The following PITHD1 variants were observed in gnomAD, a reference collection of about 807,000 sequenced individuals.
PITHD1 encodes PITH domain containing 1.
PITHD1 carries 8 observed loss-of-function variants against 27.5 expected under a neutral mutation model. The ratio of observed to expected loss-of-function variants is 0.29; its 90% CI spans 0.17 to 0.52. PITHD1 has a LOEUF of 0.52. PITHD1 is among the 20% of genes least tolerant of loss of function. PITHD1 has a pLI of 0.96. For missense variants in PITHD1, 233 were observed against 283.9 expected (o/e 0.82, Z 1.29); for synonymous variants, 118 against 106.8 (o/e 1.10, Z -0.64).
chr1:23,779,419 C>T lies in PITHD1; in HGVS notation c.199-19C>T, dbSNP rs376621821. The T allele has an allele frequency of 1.3e-5, 21 of 1,602,034 alleles. No homozygotes were observed. Among genetic ancestry groups the T allele is most frequent in the Non-Finnish European group, 1.6e-5 (19 of 1,169,218 alleles). ...CAAATATTTGTTGCTTTCTCCTCCC[C>T]CCTCCCCATCCCCTCCAGTTTGTTG... On this transcript the variant is annotated intron_variant, in intron 1 of 5. Coordinates refer to ENST00000246151, the MANE Select transcript of PITHD1 (RefSeq NM_020362.5).
rs997545259 is a variant in PITHD1 at position 23,779,780 on chromosome 1, AG to A, written c.243-80del. The A allele has an allele frequency of 8.3e-6, 8 of 968,578 alleles. No homozygotes were observed. The African/African-American group carries it at 1.3e-4, about 15-fold the overall frequency. The allele number at this position is 968,578 out of a possible 1,614,324, so 60.0% of individuals were successfully genotyped here. A position where few individuals can be genotyped will look rare whatever the true frequency, so the allele number is the denominator to read the frequency against. ...CAGATGAGTAAACTGAAGCCCATAC[AG>A]GGGAAGGGTCTTGCCCAGGGTCACA... On this transcript the variant is annotated intron_variant, in intron 2 of 5. Transcript: ENST00000246151.
At chr1:23,782,989 ATTTTATTTTAT>A (rs2148400632) in intron 3 of PITHD1, among the ~76,000 whole-genome samples, 1 of 150,588 alleles carries the variant, frequency 6.6e-6, no homozygotes, top group Admixed American at 6.6e-5. Context: ...AAATATATGT[ATTTTATTTTAT>A]TTTATTTTAT....
intron 3 of PITHD1, among the ~76,000 whole-genome samples, chr1:23,784,416 A>G (rs1177870926): frequency 7.3e-5 from 11 of 151,112 alleles, no homozygotes; most frequent in African/African-American, 2.2e-4. Context: ...AATTTTTTGT[A>G]TTTTTAGTAG....
At chr1:23,781,567 A>G (rs1182537570) in intron 3 of PITHD1, among the ~76,000 whole-genome samples, 3 of 152,294 alleles carry the variant, frequency 2.0e-5, no homozygotes, top group East Asian at 1.9e-4. Context: ...AAGCAAATCC[A>G]TGTATTTAAT....
chr1:23,778,868 G>T (rs1317948569), intron 1 of PITHD1, among the ~76,000 whole-genome samples, 155 bp downstream of exon 1: 1 of 152,204 alleles, frequency 6.6e-6, no homozygotes, highest in African/African-American at 2.4e-5. Context: ...GGCGAGCAGC[G>T]TTGTCTCCCC....
At chr1:23,779,841 C>T in intron 2 of PITHD1, 23 bp from the exon 3 acceptor site, 1 of 1,595,924 alleles carries the variant, frequency 6.3e-7, no homozygotes, top group Non-Finnish European at 8.6e-7. Context: ...GGTTTGACAA[C>T]CTTCTCTTTT....
At chr1:23,783,346 T>G (rs1409297649) in intron 3 of PITHD1, among the ~76,000 whole-genome samples, 2 of 149,524 alleles carry the variant, frequency 1.3e-5, no homozygotes, top group Non-Finnish European at 3.0e-5. Context: ...TGTGTATATA[T>G]ACATATATAC....
intron 5 of PITHD1, 76 bp from the exon 6 acceptor site, chr1:23,787,199 A>T: frequency 2.3e-6 from 2 of 862,634 alleles, no homozygotes; most frequent in Admixed American, 3.7e-5. Flanking sequence ...CTGAATAAGG[A>T]CTACCGCAAT....
chr1:23,783,444 T>TGC (rs1380349651), intron 3 of PITHD1, among the ~76,000 whole-genome samples: 51 of 150,166 alleles, frequency 3.4e-4, no homozygotes, highest in African/African-American at 1.2e-3. Flanking sequence ...TGTGTGTGTG[T>TGC]GTGTGTGTGT....
intron 3 of PITHD1, among the ~76,000 whole-genome samples, chr1:23,783,547 G>A (rs2148401134): frequency 6.6e-6 from 1 of 151,390 alleles, no homozygotes; most frequent in South Asian, 2.1e-4. Flanking sequence ...CGCCTCCTGG[G>A]GTCAAGCGAT....
At chr1:23,783,318 T>C (rs1470041708) in intron 3 of PITHD1, among the ~76,000 whole-genome samples, 2 of 149,460 alleles carry the variant, frequency 1.3e-5, no homozygotes, top group Non-Finnish European at 3.0e-5. Flanking sequence ...TATATACGCA[T>C]ATATATATAC....
At position 23,785,776 on chromosome 1, in the gene PITHD1, C is replaced by T; in HGVS notation, c.422C>T (p.Thr141Ile). 2.6e-6 allele frequency: 4 copies of T among 1,561,638 alleles called. No individual in the cohort carries two copies. The highest frequency in any genetic ancestry group is 3.5e-6 in the Non-Finnish European group (4 of 1,132,384). Residue 141 changes from threonine (T) to isoleucine (I), a missense_variant, in exon 4 of 6, where the codon ACA becomes ATA. Transcript: ENST00000246151. Reference sequence around the variant, plus strand: ...CTTACAGGAGAATTAGAGTATGCTACAAAGTAAGCACTGGGCCTGTCTTCC... The same window carrying T: ...CTTACAGGAGAATTAGAGTATGCTATAAAGTAAGCACTGGGCCTGTCTTCC... ...RDLTGELEYA[T>I]KISRFSNVYH...
At chr1:23,782,726 C>G (rs1424045021) in intron 3 of PITHD1, among the ~76,000 whole-genome samples, 1 of 151,840 alleles carries the variant, frequency 6.6e-6, no homozygotes, top group East Asian at 1.9e-4. Context: ...CGCAGCCTCC[C>G]AAGCAGCTGG....
At chr1:23,784,532 GC>G (rs1404522716) in intron 3 of PITHD1, among the ~76,000 whole-genome samples, 1 of 152,066 alleles carries the variant, frequency 6.6e-6, no homozygotes, top group African/African-American at 2.4e-5. Flanking sequence ...GAGCCACTGC[GC>G]CCGGCGGCTT....
At chr1:23,779,526 C>G (rs777962080) in intron 2 of PITHD1, 45 bp downstream of exon 2, 1 of 1,420,386 alleles carries the variant, frequency 7.0e-7, no homozygotes, top group South Asian at 1.1e-5. Flanking sequence ...TAGGCTGTAC[C>G]CAGTTGCCTC....
intron 3 of PITHD1, among the ~76,000 whole-genome samples, chr1:23,783,735 G>A (rs1281594681): frequency 1.3e-5 from 2 of 152,050 alleles, no homozygotes; most frequent in Non-Finnish European, 2.9e-5. Flanking sequence ...GATTACAGGC[G>A]TGAGCCACCA....
intron 3 of PITHD1, among the ~76,000 whole-genome samples, chr1:23,781,122 A>G (rs529125135): frequency 7.9e-5 from 12 of 152,220 alleles, no homozygotes; most frequent in African/African-American, 2.9e-4. Context: ...CAGGTGGCAG[A>G]GGTTGCAGTG....
chr1:23,783,306 C>T (rs936727147), intron 3 of PITHD1, among the ~76,000 whole-genome samples: 34 of 148,530 alleles, frequency 2.3e-4, no homozygotes, highest in Non-Finnish European at 4.8e-4. Context: ...TGTATATCTA[C>T]ATATATACGC....
At chr1:23,784,897 T>G (rs1638661151) in intron 3 of PITHD1, among the ~76,000 whole-genome samples, 1 of 152,146 alleles carries the variant, frequency 6.6e-6, no homozygotes, top group Admixed American at 6.5e-5. Context: ...GGTGACTGAG[T>G]GTATGGCGTG....
Sources: allele counts gnomAD v4.1 joint callset (sites outside exome capture counted in the v4.1 genomes callset), GRCh38; gene constraint gnomAD v4.1.1; transcripts MANE v1.5; gene names NCBI Gene and HGNC (gene_info 2026-07-23, HGNC 2026-07-21).